Variants in CD38 observed in about 807,000 individuals in gnomAD.
The protein encoded by CD38 is CD38 molecule.
In CD38, 31 loss-of-function variants were observed where a neutral mutation model predicts 36.3. The observed-to-expected ratio is 0.85, with a 90% CI of 0.64 to 1.15. The LOEUF is 1.15. CD38 is among the 50% of genes most tolerant of loss of function. The probability of loss-of-function intolerance (pLI) is 0.00; values close to 1 mark genes in which losing one functional copy is unlikely to be tolerated. For missense variants in CD38, 380 were observed against 371.9 expected, an observed-to-expected ratio of 1.02 and a Z score of -0.18; for synonymous variants, 131 against 135.2, an observed-to-expected ratio of 0.97 and a Z score of 0.22.
chr4:15,796,924 G>A (rs1159752806), intron 1 of CD38, among the ~76,000 whole-genome samples: 1 of 152,150 alleles, frequency 6.6e-6, no homozygotes, highest in African/African-American at 2.4e-5. Flanking sequence ...TACAGACAAT[G>A]CTGCAATGAA....
intron 4 of CD38, among the ~76,000 whole-genome samples, chr4:15,835,812 A>G (rs940329756): frequency 1.3e-5 from 2 of 152,188 alleles, no homozygotes; most frequent in Non-Finnish European, 2.9e-5. Context: ...GCACCTGGCC[A>G]GGAATACATT....
At chr4:15,801,694 A>G (rs1002186219) in intron 1 of CD38, among the ~76,000 whole-genome samples, 1 of 152,182 alleles carries the variant, frequency 6.6e-6, no homozygotes, top group East Asian at 1.9e-4. Context: ...GACAAAAATC[A>G]TATGATCACC....
intron 1 of CD38, among the ~76,000 whole-genome samples, chr4:15,789,788 C>T (rs941557621): frequency 4.0e-5 from 6 of 150,972 alleles, no homozygotes; most frequent in African/African-American, 1.5e-4. Flanking sequence ...CCCTCCTCAC[C>T]GTGTGATGCC....
At chr4:15,786,089 G>C (rs1037413903) in intron 1 of CD38, among the ~76,000 whole-genome samples, 4 of 152,146 alleles carry the variant, frequency 2.6e-5, no homozygotes, top group African/African-American at 9.7e-5. Context: ...AGACTTTCGT[G>C]GTGAGTGTTA....
rs757340410 is a variant in CD38 at position 15,778,491 on chromosome 4, T to C, written c.77T>C (p.Leu26Pro). 4 of 1,613,680 alleles carry C rather than the reference T, an allele frequency of 2.5e-6. No individual in the cohort carries two copies. Among genetic ancestry groups the C allele is most frequent in the African/African-American group, 1.3e-5 (1 of 74,852 alleles). Residue 26 changes from leucine (L) to proline (P), a missense_variant, in exon 1 of 8, where the codon CTT becomes CCT. Transcript: ENST00000226279. This position sits in a 1 kb window ranked among gnomAD's most constrained non-coding sequence, Gnocchi z 4.9. ...CTCTCTAGGAGAGCCCAACTCTGTC[T>C]TGGCGTCAGTATCCTGGTCCTGATC... is the stretch of plus-strand genomic sequence containing the variant. The part of the protein sequence containing the change: ...CRLSRRAQLC[L>P]GVSILVLILV...
chr4:15,848,106 C>T lies in CD38; in HGVS notation c.840-433C>T, dbSNP rs563114029. ...CACCATCCCCCTATTCATGTGCCAG[C>T]CACTCCTATTGGATCCTGTTGCTTT... On this transcript the variant is annotated intron_variant, in intron 7 of 7. Coordinates refer to ENST00000226279, the MANE Select transcript of CD38 (RefSeq NM_001775.4). Among the ~76,000 whole-genome samples the T allele has an allele frequency of 6.6e-5, 10 of 152,322 alleles. No homozygotes were observed. The South Asian group carries it at 1.0e-3, about 16-fold the overall frequency.
intron 1 of CD38, among the ~76,000 whole-genome samples, chr4:15,799,277 G>C (rs1034785829): frequency 6.6e-6 from 1 of 152,042 alleles, no homozygotes; most frequent in Admixed American, 6.6e-5. Flanking sequence ...ATCCTTTATC[G>C]AGGGTTTTCT....
chr4:15,790,592 C>T (rs937636594), intron 1 of CD38, among the ~76,000 whole-genome samples: 3 of 152,026 alleles, frequency 2.0e-5, no homozygotes, highest in African/African-American at 4.8e-5. Flanking sequence ...TCTGCCCGGC[C>T]GCCACCCCGT....
chr4:15,788,281 C>A (rs1404715544), intron 1 of CD38, among the ~76,000 whole-genome samples: 2 of 152,092 alleles, frequency 1.3e-5, no homozygotes, highest in South Asian at 4.1e-4. Context: ...CCCAGTGCAC[C>A]ATGGAGATGC....
intron 1 of CD38, among the ~76,000 whole-genome samples, chr4:15,789,634 G>C (rs1236996886): frequency 6.6e-6 from 1 of 152,170 alleles, no homozygotes; most frequent in African/African-American, 2.4e-5. Flanking sequence ...ACTGGGTCAT[G>C]AGAGATCTGC....
chr4:15,810,339 A>G (rs1723441863), intron 1 of CD38, among the ~76,000 whole-genome samples: 1 of 152,228 alleles, frequency 6.6e-6, no homozygotes, highest in African/African-American at 2.4e-5. Context: ...GTAGGTGCTC[A>G]GTGCACATGA....
chr4:15,837,293 ACTT>A (rs1724087385), intron 4 of CD38, among the ~76,000 whole-genome samples: 1 of 151,974 alleles, frequency 6.6e-6, no homozygotes, highest in East Asian at 1.9e-4. Flanking sequence ...ATGTGGATGG[ACTT>A]CTTTTTTCAG....
intron 1 of CD38, among the ~76,000 whole-genome samples, chr4:15,792,792 AG>A (rs1265923659): frequency 1.3e-5 from 2 of 152,340 alleles, no homozygotes; most frequent in East Asian, 3.9e-4. Context: ...GACACAACTG[AG>A]TAATTTTTCA....
chr4:15,827,465 T>C (rs1412503521), intron 3 of CD38, among the ~76,000 whole-genome samples: 1 of 152,206 alleles, frequency 6.6e-6, no homozygotes, highest in Non-Finnish European at 1.5e-5. Context: ...TTTAAAATAT[T>C]TTCCATATTT....
intron 1 of CD38, among the ~76,000 whole-genome samples, chr4:15,800,961 G>C (rs1448384851): frequency 6.6e-6 from 1 of 151,704 alleles, no homozygotes; most frequent in Non-Finnish European, 1.5e-5. Context: ...GATCAGAACA[G>C]AAATAAATGA....
At chr4:15,838,984 T>C (rs930854301) in intron 5 of CD38, among the ~76,000 whole-genome samples, 4 of 152,218 alleles carry the variant, frequency 2.6e-5, no homozygotes, top group African/African-American at 7.2e-5. Flanking sequence ...GTTTTTACTA[T>C]GTTGATTACC....
intron 1 of CD38, among the ~76,000 whole-genome samples, chr4:15,786,578 G>C (rs1722837217): frequency 6.6e-6 from 1 of 152,252 alleles, no homozygotes; most frequent in Non-Finnish European, 1.5e-5. Context: ...CCTTGAGCCA[G>C]ACACAGAGTG....
At chr4:15,804,180 T>C (rs893179364) in intron 1 of CD38, among the ~76,000 whole-genome samples, 3 of 152,226 alleles carry the variant, frequency 2.0e-5, no homozygotes, top group Admixed American at 1.3e-4. Flanking sequence ...TACCCAGTAG[T>C]GGGATTTCTG....
chr4:15,783,436 A>T (rs564585289), intron 1 of CD38, among the ~76,000 whole-genome samples: 1 of 152,230 alleles, frequency 6.6e-6, no homozygotes, highest in South Asian at 2.1e-4. Flanking sequence ...CTGGTGGTCT[A>T]GGCAAGCATG....
Sources: gnomAD v4.1 joint callset for allele counts (sites outside exome capture counted in the v4.1 genomes callset) on GRCh38, gnomAD v4.1.1 for gene constraint, Gnocchi (gnomAD v3.1) non-coding constraint, MANE v1.5 for transcripts, NCBI Gene and HGNC (gene_info 2026-07-23, HGNC 2026-07-21) for gene names.